SLC5A1: variants seen among roughly 807,000 people sequenced by gnomAD.
The protein encoded by SLC5A1 is solute carrier family 5 member 1.
SLC5A1 carries 42 observed loss-of-function variants against 73.5 expected under a neutral mutation model. The ratio of observed to expected loss-of-function variants is 0.57; its 90% CI spans 0.45 to 0.74. The LOEUF is 0.74. SLC5A1 is among the 30% of genes least tolerant of loss of function. SLC5A1 has a pLI of 0.00. For synonymous variants in SLC5A1, 300 were observed against 317.4 expected (o/e 0.95, Z 0.58); for missense variants, 634 against 855.4 (o/e 0.74, Z 3.23).
intron 5 of SLC5A1, among the ~76,000 whole-genome samples, chr22:32,076,446 A>G (rs1016936880): frequency 1.3e-5 from 2 of 152,164 alleles, no homozygotes; most frequent in African/African-American, 4.8e-5. Context: ...AGATTTTATG[A>G]CTTACATGTG....
intron 14 of SLC5A1, among the ~76,000 whole-genome samples, chr22:32,106,559 A>G (rs944964949): frequency 6.6e-6 from 1 of 152,214 alleles, no homozygotes; most frequent in African/African-American, 2.4e-5. Flanking sequence ...AACCAAAGCT[A>G]TGGCCAGTTC....
intron 5 of SLC5A1, among the ~76,000 whole-genome samples, chr22:32,074,743 T>C (rs1452819635): frequency 6.6e-6 from 1 of 152,164 alleles, no homozygotes; most frequent in Non-Finnish European, 1.5e-5. Flanking sequence ...ACTCCATCCA[T>C]TGCCCAAGAC....
chr22:32,091,339 ACACC>A (rs1569313425), intron 10 of SLC5A1, among the ~76,000 whole-genome samples: 3 of 128,612 alleles, frequency 2.3e-5, no homozygotes, highest in Admixed American at 7.5e-5. Flanking sequence ...ACACACACAC[ACACC>A]CCACCACCTT....
intron 1 of SLC5A1, 101 bp from the exon 2 acceptor site, chr22:32,049,842 G>T: frequency 1.1e-6 from 1 of 893,708 alleles, no homozygotes; most frequent in Non-Finnish European, 1.9e-6. Flanking sequence ...TCAGAAAGTG[G>T]AGTGGGTAGA....
intron 2 of SLC5A1, among the ~76,000 whole-genome samples, chr22:32,056,226 G>A (rs1476863931): frequency 6.6e-6 from 1 of 152,012 alleles, no homozygotes; most frequent in Non-Finnish European, 1.5e-5. Context: ...TCGCTATGTT[G>A]CGCAGCCTGG....
chr22:32,065,600 G>A (rs1197515662), intron 2 of SLC5A1, among the ~76,000 whole-genome samples: 1 of 152,170 alleles, frequency 6.6e-6, no homozygotes, highest in Non-Finnish European at 1.5e-5. Flanking sequence ...CTTCTTGAGA[G>A]TAGGGATTTT....
chr22:32,099,192 C>T lies in SLC5A1; in HGVS notation c.1290C>T (p.Ile430=). ...KELMIAGRLF[I]LVLIGISIAW... ...GGGGCTTTAATTTCAGGTTGTTTAT[C>T]CTGGTGCTGATTGGCATCAGCATCG... The change falls in exon 12 of 15, where the codon ATC becomes ATT. Residue 430 remains isoleucine, a synonymous_variant. Coordinates refer to ENST00000266088, the MANE Select transcript of SLC5A1 (RefSeq NM_000343.4). 6.3e-7 allele frequency: 1 copy of T among 1,598,930 alleles called. No homozygotes were observed. Among genetic ancestry groups the T allele is most frequent in the Non-Finnish European group, 8.5e-7 (1 of 1,172,816 alleles).
In SLC5A1 at chr22:32,043,503, TTAAG is replaced by T. The variant is rs2149481715; in HGVS notation, c.135+89_135+92del. 1.4e-6 allele frequency: 2 copies of T among 1,435,590 alleles called. No individual in the cohort carries two copies. Among genetic ancestry groups the T allele is most frequent in the South Asian group, 2.4e-5 (2 of 83,964 alleles). 88.9% of individuals were successfully genotyped at this position (1,435,590 alleles called of 1,614,324 possible). On this transcript the variant is annotated intron_variant, in intron 1 of 14. Coordinates refer to ENST00000266088, the MANE Select transcript of SLC5A1 (RefSeq NM_000343.4). This position sits in a 1 kb window ranked among gnomAD's most constrained non-coding sequence, Gnocchi z 6.5. ...CGCTGAGCTGCAAGGGGCAGTAGGC[TTAAG>T]TGTCGGTGGAGGGGAGAGGAAATGA... is the stretch of plus-strand genomic sequence containing the variant.
chr22:32,099,363 C>T lies in SLC5A1; in HGVS notation c.1449+12C>T. ...GAGTCAATGAGCCAGTAGGTATCAT[C>T]TGGGCATGTCCAGAAAAGTCATTCT... On this transcript the variant is annotated intron_variant, in intron 12 of 14. Coordinates refer to ENST00000266088, the MANE Select transcript of SLC5A1 (RefSeq NM_000343.4). The T allele has an allele frequency of 6.2e-7, 1 of 1,609,508 alleles. No individual in the cohort carries two copies. The highest frequency in any genetic ancestry group is 8.5e-7 in the Non-Finnish European group (1 of 1,177,424).
intron 11 of SLC5A1, among the ~76,000 whole-genome samples, chr22:32,094,703 T>C (rs1332618596): frequency 1.3e-5 from 2 of 152,224 alleles, no homozygotes; most frequent in African/African-American, 4.8e-5. Flanking sequence ...GTTTCATTTC[T>C]AATTGTGCTT....
intron 5 of SLC5A1, among the ~76,000 whole-genome samples, chr22:32,077,893 A>G (rs1338496198): frequency 2.6e-5 from 4 of 152,192 alleles, no homozygotes; most frequent in Admixed American, 6.5e-5. Context: ...TGCTTCCTGC[A>G]CTTTTGAAAC....
chr22:32,045,906 A>G (rs1050318715), intron 1 of SLC5A1, among the ~76,000 whole-genome samples: 11 of 152,370 alleles, frequency 7.2e-5, no homozygotes, highest in Middle Eastern at 3.4e-3. Context: ...TGTATGGTCC[A>G]TAAGCCAAGA....
intron 4 of SLC5A1, 42 bp from the exon 5 acceptor site, chr22:32,068,454 G>C (rs760558734): frequency 1.7e-6 from 2 of 1,203,780 alleles, no homozygotes; most frequent in South Asian, 1.2e-5. Flanking sequence ...TGGGCCCTCT[G>C]GTCACTGTGG....
rs2094058043 is a variant in SLC5A1 at position 32,112,016 on chromosome 22, C to T, written c.*1803C>T. ...GGAGAAGATATCCACCTAGACCAAC[C>T]TGAGGAGAAGGCTCAGAGTACAGAT... is the stretch of plus-strand genomic sequence containing the variant. On this transcript the variant is annotated 3_prime_UTR_variant, in exon 15 of 15. Transcript: ENST00000266088. 1 of 152,132 alleles carries T rather than the reference C, an allele frequency of 6.6e-6. No individual in the cohort carries two copies. The highest frequency in any genetic ancestry group is 1.9e-4 in the East Asian group (1 of 5,182). 9.4% of individuals were successfully genotyped at this position (152,132 alleles called of 1,614,324 possible).
intron 5 of SLC5A1, among the ~76,000 whole-genome samples, chr22:32,078,805 A>T (rs1234028393): frequency 6.6e-6 from 1 of 151,946 alleles, no homozygotes. Context: ...TACAAAAAAA[A>T]TTAGCCAGGC....
chr22:32,076,321 TTATTGGCTCCCTCGAGCACCTG>T, intron 5 of SLC5A1, among the ~76,000 whole-genome samples: 1 of 152,338 alleles, frequency 6.6e-6, no homozygotes, highest in South Asian at 2.1e-4. Flanking sequence ...CTCCTGAATT[TTATTGGCTCCCTCGAGCACCTG>T]CCTTATCAAG....
chr22:32,074,881 G>A (rs1603121424), intron 5 of SLC5A1, among the ~76,000 whole-genome samples: 1 of 151,958 alleles, frequency 6.6e-6, no homozygotes, highest in African/African-American at 2.4e-5. Flanking sequence ...TACAGCATGG[G>A]TAGGGATTTC....
At position 32,102,193 on chromosome 22, in the gene SLC5A1, A is replaced by G. The variant is rs775216619; in HGVS notation, c.1621A>G (p.Ile541Val). ...IILFAISFITIVVISLLTKPI... is the reference protein window; with the variant it reads ...IILFAISFITVVVISLLTKPI... The stretch of plus-strand genomic sequence containing the variant: ...CCTCTTCGCCATTTCTTTCATCACC[A>G]TCGTGGTCATCTCCCTCCTCACCAA... The change falls in exon 13 of 15, where the codon ATC (isoleucine) becomes GTC (valine). Residue 541 changes from isoleucine (I) to valine (V), a missense_variant. Around this residue, in one of 3 missense-constraint regions of SLC5A1, gnomAD observed 161 missense variants for 178.7 expected, o/e 0.90. Transcript: ENST00000266088. 1.2e-6 allele frequency: 2 copies of G among 1,613,868 alleles called. No homozygotes were observed. Among genetic ancestry groups the G allele is most frequent in the South Asian group, 2.2e-5 (2 of 91,072 alleles).
intron 10 of SLC5A1, among the ~76,000 whole-genome samples, chr22:32,089,285 TA>T (rs371987980): frequency 1.9e-3 from 292 of 152,286 alleles, no homozygotes; most frequent in Non-Finnish European, 5.0e-4. Flanking sequence ...AAAGAGCCAT[TA>T]AAAAAACCTC....
Sources: allele counts gnomAD v4.1 joint callset (sites outside exome capture counted in the v4.1 genomes callset), GRCh38; gene constraint gnomAD v4.1.1; regional missense constraint gnomAD v4.1.1; non-coding constraint Gnocchi (gnomAD v3.1); transcripts MANE v1.5; gene names NCBI Gene and HGNC (gene_info 2026-07-23, HGNC 2026-07-21).